The following PIWIL2 variants were observed in gnomAD, a reference collection of about 807,000 sequenced individuals.
PIWIL2 encodes piwi-like protein 2.
A neutral mutation model predicts 116.5 loss-of-function variants in PIWIL2; 81 were observed. That is an observed-to-expected ratio of 0.70 (90% CI 0.58 to 0.84). The LOEUF (loss-of-function observed/expected upper bound fraction) is 0.84. Among genes scored for constraint, PIWIL2 ranks in the 40% least tolerant of loss-of-function variants. The pLI is 0.00. For synonymous variants in PIWIL2, 489 were observed against 429.5 expected, an observed-to-expected ratio of 1.14 and a Z score of -1.71; for missense variants, 1,272 against 1,212.3, an observed-to-expected ratio of 1.05 and a Z score of -0.73.
intron 20 of PIWIL2, among the ~76,000 whole-genome samples, chr8:22,326,190 A>G (rs889464783): frequency 6.6e-6 from 1 of 151,886 alleles, no homozygotes; most frequent in Non-Finnish European, 1.5e-5. Flanking sequence ...TTGGCCATCA[A>G]CATGTCCTGC....
intron 17 of PIWIL2, 73 bp downstream of exon 17, chr8:22,314,502 G>GT: frequency 2.9e-6 from 2 of 686,064 alleles, no homozygotes; most frequent in Non-Finnish European, 4.7e-6. Flanking sequence ...AGGGATATGT[G>GT]TGTTCACAAA....
intron 8 of PIWIL2, among the ~76,000 whole-genome samples, chr8:22,289,127 C>T (rs1200090056): frequency 6.6e-6 from 1 of 151,608 alleles, no homozygotes; most frequent in Non-Finnish European, 1.5e-5. Context: ...TGAAACACAA[C>T]CTAATTTCTT....
At chr8:22,287,716 C>T (rs1212050872) in intron 7 of PIWIL2, 71 bp downstream of exon 7, 3 of 989,136 alleles carry the variant, frequency 3.0e-6, no homozygotes, top group Non-Finnish European at 4.9e-6. Flanking sequence ...TTTGGTTTTG[C>T]TTTTAAGAGA....
chr8:22,355,418 G>A lies in PIWIL2; in HGVS notation c.2835G>A (p.Lys945=), dbSNP rs750792356. The A allele has an allele frequency of 6.2e-7, 1 of 1,614,168 alleles. No individual in the cohort carries two copies. Among genetic ancestry groups the A allele is most frequent in the South Asian group, 1.1e-5 (1 of 91,082 alleles). ...PGTIRVPAPC[K]YAHKLAFLSG... ...CCATCAGAGTTCCAGCTCCTTGCAA[G>A]TATGCCCACAAGCTAGCTTTCCTGT... Residue 945 remains lysine, a synonymous_variant, in exon 23 of 23, where the codon AAG becomes AAA. Coordinates refer to ENST00000356766, the MANE Select transcript of PIWIL2 (RefSeq NM_018068.5).
intron 7 of PIWIL2, 58 bp from the exon 8 acceptor site, chr8:22,288,484 T>G: frequency 7.0e-7 from 1 of 1,423,252 alleles, no homozygotes; most frequent in Non-Finnish European, 9.8e-7. Flanking sequence ...AGATTAGGAC[T>G]TGGTCATTAG....
chr8:22,351,692 C>A (rs1379815584), intron 20 of PIWIL2, among the ~76,000 whole-genome samples: 1 of 150,694 alleles, frequency 6.6e-6, no homozygotes, highest in East Asian at 2.0e-4. Flanking sequence ...TGTGCACCAC[C>A]ACACCTGGCT....
At chr8:22,344,824 C>T (rs1174655552) in intron 20 of PIWIL2, among the ~76,000 whole-genome samples, 2 of 151,838 alleles carry the variant, frequency 1.3e-5, no homozygotes, top group African/African-American at 2.4e-5. Context: ...TGCAGTGAGC[C>T]GTGATTGTGC....
At chr8:22,315,597 G>A (rs1330172697) in intron 18 of PIWIL2, among the ~76,000 whole-genome samples, 1 of 152,176 alleles carries the variant, frequency 6.6e-6, no homozygotes, top group Non-Finnish European at 1.5e-5. Flanking sequence ...TTACAGGTGT[G>A]AGCCACCATG....
Position 22,288,626 on chromosome 8 carries a change from T to C in PIWIL2, c.946T>C (p.Ser316Pro), listed in dbSNP as rs1586540522. 1.2e-6 allele frequency: 2 copies of C among 1,613,788 alleles called. No individual in the cohort carries two copies. Among genetic ancestry groups the C allele is most frequent in the Non-Finnish European group, 1.7e-6 (2 of 1,179,678 alleles). Residue 316 changes from serine to proline, a missense_variant, in exon 8 of 23, where the codon TCT (serine) becomes CCT (proline). Coordinates refer to ENST00000356766, the MANE Select transcript of PIWIL2 (RefSeq NM_018068.5). ...IQMTKILEPC[S>P]DLCIPFYNVV... ...GATGACAAAGATCCTGGAGCCCTGC[T>C]CTGACCTGTGCATTCCCTTCTACAA...
chr8:22,303,380 A>G (rs982151875), intron 10 of PIWIL2, among the ~76,000 whole-genome samples: 1 of 152,140 alleles, frequency 6.6e-6, no homozygotes, highest in Non-Finnish European at 1.5e-5. Context: ...CAAAGTACGA[A>G]ATTTTAAACA....
At chr8:22,352,648 T>C (rs1832399286) in intron 20 of PIWIL2, among the ~76,000 whole-genome samples, 1 of 152,230 alleles carries the variant, frequency 6.6e-6, no homozygotes, top group Non-Finnish European at 1.5e-5. Context: ...CAGCCTGCAG[T>C]TTTCCCAGCA....
intron 19 of PIWIL2, among the ~76,000 whole-genome samples, chr8:22,317,132 G>C (rs1319604043): frequency 6.6e-6 from 1 of 152,184 alleles, no homozygotes; most frequent in Non-Finnish European, 1.5e-5. Context: ...CCCAGCTGAA[G>C]AGCGACCTCC....
At chr8:22,347,788 A>T (rs1033952651) in intron 20 of PIWIL2, among the ~76,000 whole-genome samples, 5 of 151,784 alleles carry the variant, frequency 3.3e-5, no homozygotes, top group Admixed American at 2.6e-4. Flanking sequence ...CGGCCTCCCA[A>T]AGTGCTGGGA....
chr8:22,352,670 T>A (rs1832399682), intron 20 of PIWIL2: 1 of 318,344 alleles, frequency 3.1e-6, no homozygotes, highest in Non-Finnish European at 5.8e-6. Context: ...TCCTTTGAAC[T>A]TTGTTTGCAT....
chr8:22,349,326 T>C (rs1003827169), intron 20 of PIWIL2, among the ~76,000 whole-genome samples: 16 of 150,378 alleles, frequency 1.1e-4, no homozygotes, highest in East Asian at 5.8e-4. Flanking sequence ...TTTCACTCCA[T>C]TGATTTATTA....
intron 20 of PIWIL2, among the ~76,000 whole-genome samples, chr8:22,319,826 A>G (rs1412282923): frequency 1.3e-5 from 2 of 152,200 alleles, no homozygotes; most frequent in African/African-American, 4.8e-5. Flanking sequence ...GTAATGCAGT[A>G]TCACTTCTGC....
rs1832497721 is a variant in PIWIL2 at position 22,356,725 on chromosome 8, T to C, written c.*1220T>C. 6.6e-6 allele frequency: 1 copy of C among 152,198 alleles called. No individual in the cohort carries two copies. The highest frequency in any genetic ancestry group is 1.5e-5 in the Non-Finnish European group (1 of 68,032). 9.4% of individuals were successfully genotyped at this position (152,198 alleles called of 1,614,324 possible). On this transcript the variant is annotated 3_prime_UTR_variant, in exon 23 of 23. Transcript: ENST00000356766. ...TGTTGGCTCACTTTGCTGGAATTTT[T>C]CTGAATCCAGGTTAAGATTTCCAGA...
intron 20 of PIWIL2, among the ~76,000 whole-genome samples, chr8:22,335,286 T>C (rs1010498254): frequency 6.6e-6 from 1 of 152,168 alleles, no homozygotes; most frequent in Non-Finnish European, 1.5e-5. Flanking sequence ...TAAGTGTAAC[T>C]GAACTCAACA....
rs776035059 is a variant in PIWIL2 at position 22,281,518 on chromosome 8, G to A, written c.425+3G>A. ...GAGACCTCCGTTGGTTGGAGTAGGT[G>A]GGTAAAGTTACCCTCTCAGGTAACT... On this transcript the variant is annotated splice_donor_region_variant and intron_variant, in intron 4 of 22. Transcript: ENST00000356766. 12 of 1,563,684 alleles carry A rather than the reference G, an allele frequency of 7.7e-6. No individual in the cohort carries two copies. Among genetic ancestry groups the A allele is most frequent in the Non-Finnish European group, 8.6e-6 (10 of 1,164,172 alleles).
Sources: gnomAD v4.1 joint callset for allele counts (sites outside exome capture counted in the v4.1 genomes callset) on GRCh38, gnomAD v4.1.1 for gene constraint, MANE v1.5 for transcripts, NCBI Gene and HGNC (gene_info 2026-07-23, HGNC 2026-07-21) for gene names.